AKAP12: variants seen among roughly 807,000 people sequenced by gnomAD.
AKAP12 encodes A-kinase anchor protein 12.
A neutral mutation model predicts 79.9 loss-of-function variants in AKAP12; 32 were observed. The observed-to-expected ratio is 0.40, with a 90% CI of 0.30 to 0.54. The LOEUF is 0.54. AKAP12 is among the 20% of genes least tolerant of loss of function. The pLI, the probability that AKAP12 is intolerant of heterozygous loss-of-function variation, is 0.48. For synonymous variants in AKAP12, 808 were observed against 857.0 expected, an observed-to-expected ratio of 0.94 and a Z score of 1.00; for missense variants, 2,074 against 2,177.0, an observed-to-expected ratio of 0.95 and a Z score of 0.94.
At position 151,350,858 on chromosome 6, in the gene AKAP12, CAA is replaced by C; in HGVS notation, c.2468_2469del (p.Gln823ArgfsTer6). ...AAGGAAGAAAAGGCCAGATGGGAAA[CAA>C]GAACAAGCCCCTGTTGAAGACGCAG... ...GRRKKRPDGK[Q>X]EQAPVEDAGP... is the part of the protein sequence containing the mutation. On this transcript the variant is annotated frameshift_variant, in exon 4 of 5. Transcript: ENST00000402676. LOFTEE classifies it high-confidence loss of function. The surrounding 1 kb of genome is among the most constrained non-coding windows in gnomAD (Gnocchi z 4.8). The C allele has an allele frequency of 6.2e-7, 1 of 1,614,074 alleles. No homozygotes were observed. Among genetic ancestry groups the C allele is most frequent in the South Asian group, 1.1e-5 (1 of 91,084 alleles).
At chr6:151,348,680 T>TGGGGGCG in intron 3 of AKAP12, 31 bp from the exon 4 acceptor site, 1 of 355,202 alleles carries the variant, frequency 2.8e-6, no homozygotes, top group Non-Finnish European at 5.5e-6. Context: ...TTTTCTCTTC[T>TGGGGGCG]CCCCACCCCC....
intron 2 of AKAP12, among the ~76,000 whole-genome samples, chr6:151,275,961 A>G (rs1295046347): frequency 6.6e-6 from 1 of 152,258 alleles, no homozygotes; most frequent in Non-Finnish European, 1.5e-5. Flanking sequence ...ATTGGTTAGC[A>G]TTTATCTTTG....
At chr6:151,240,754 G>C (rs1339396766) in intron 2 of AKAP12, 30 bp downstream of exon 2, 1 of 1,243,308 alleles carries the variant, frequency 8.0e-7, no homozygotes, top group Admixed American at 4.3e-5. Context: ...CCTGCGCCGG[G>C]AGGCGCGGGT....
intron 2 of AKAP12, among the ~76,000 whole-genome samples, chr6:151,254,121 A>G (rs1222455570): frequency 6.6e-6 from 1 of 152,216 alleles, no homozygotes; most frequent in Non-Finnish European, 1.5e-5. Flanking sequence ...TACATGAAAT[A>G]AGCTATTGAA....
chr6:151,296,881 A>C (rs1488902054), intron 2 of AKAP12, among the ~76,000 whole-genome samples: 3 of 152,226 alleles, frequency 2.0e-5, no homozygotes, highest in Non-Finnish European at 2.9e-5. Flanking sequence ...GCTATTGTTC[A>C]TCTAAACTTC....
intron 3 of AKAP12, among the ~76,000 whole-genome samples, chr6:151,331,537 T>C (rs967422310): frequency 6.6e-6 from 1 of 152,196 alleles, no homozygotes; most frequent in African/African-American, 2.4e-5. Context: ...CCTTCCGGAA[T>C]GTTGTAGCAT....
Position 151,353,426 on chromosome 6 carries a change from G to A in AKAP12, c.5035G>A (p.Asp1679Asn). The change falls in exon 4 of 5, where the codon GAT (aspartate) becomes AAT (asparagine). Residue 1679 changes from aspartate (D) to asparagine (N), a missense_variant. Physicochemically the swap from Asp to Asn is conservative, Grantham distance 23. Around this residue, in one of 3 missense-constraint regions of AKAP12, gnomAD observed 614 missense variants for 665.6 expected, o/e 0.92. Transcript: ENST00000402676. ...TGGAACAAAGTCTGTGCCAGAAGATGATGGTCATGCCTTGTTAGCAGAAAG... is the reference window on the plus strand; with the variant it reads ...TGGAACAAAGTCTGTGCCAGAAGATAATGGTCATGCCTTGTTAGCAGAAAG... ...GAGTKSVPEDDGHALLAERIE... is the reference protein window; with the variant it reads ...GAGTKSVPEDNGHALLAERIE... 6.2e-7 allele frequency: 1 copy of A among 1,614,210 alleles called. No homozygotes were observed. Among genetic ancestry groups the A allele is most frequent in the Non-Finnish European group, 8.5e-7 (1 of 1,180,038 alleles).
intron 2 of AKAP12, among the ~76,000 whole-genome samples, chr6:151,281,183 T>C (rs1265145014): frequency 6.6e-6 from 1 of 152,168 alleles, no homozygotes; most frequent in Non-Finnish European, 1.5e-5. Flanking sequence ...CCACTTACAT[T>C]AGATAAGTGA....
intron 2 of AKAP12, among the ~76,000 whole-genome samples, chr6:151,293,582 G>A (rs1483366542): frequency 6.6e-6 from 1 of 152,152 alleles, no homozygotes; most frequent in East Asian, 1.9e-4. Context: ...TCATGACACT[G>A]GACTATAAAG....
Position 151,351,957 on chromosome 6 carries a change from A to G in AKAP12, c.3566A>G (p.Asp1189Gly). 6.2e-7 allele frequency: 1 copy of G among 1,614,148 alleles called. No homozygotes were observed. The highest frequency in any genetic ancestry group is 8.5e-7 in the Non-Finnish European group (1 of 1,180,016). The change falls in exon 4 of 5, where the codon GAC (aspartate) becomes GGC (glycine). Residue 1189 changes from aspartate (D) to glycine (G), a missense_variant. This residue lies in a region of AKAP12 where 32 missense variants were observed against 60.4 expected (regional missense o/e 0.53). Coordinates refer to ENST00000402676, the MANE Select transcript of AKAP12 (RefSeq NM_005100.4). The surrounding 1 kb of genome is among the most constrained non-coding windows in gnomAD (Gnocchi z 4.4). ...GACGCACCAGGCACAACCCAGAAAG[A>G]CGAGATTGTGGAAATCCATGAGGAG... The part of the protein sequence containing the change: ...DFDAPGTTQK[D>G]EIVEIHEENE...
intron 2 of AKAP12, among the ~76,000 whole-genome samples, chr6:151,252,164 G>A (rs971338980): frequency 3.9e-5 from 6 of 152,028 alleles, no homozygotes; most frequent in Non-Finnish European, 8.8e-5. Context: ...TGGAGTATTG[G>A]GCAAGGGAGG....
intron 2 of AKAP12, among the ~76,000 whole-genome samples, chr6:151,291,615 C>T (rs1055438542): frequency 2.0e-5 from 3 of 152,124 alleles, no homozygotes; most frequent in Non-Finnish European, 2.9e-5. Flanking sequence ...TATTCCGTGG[C>T]GCAGGGAGCT....
intron 2 of AKAP12, among the ~76,000 whole-genome samples, chr6:151,287,160 C>T (rs1026042043): frequency 7.2e-5 from 11 of 152,060 alleles, no homozygotes; most frequent in South Asian, 2.1e-4. Flanking sequence ...AGGATGGTCT[C>T]GATCTCCTGA....
rs1189643668 is a variant in AKAP12, at chr6:151,240,705, C to T, written c.143C>T (p.Ala48Val). The T allele has an allele frequency of 1.3e-5, 17 of 1,273,610 alleles. No individual in the cohort carries two copies. Among genetic ancestry groups the T allele is most frequent in the Non-Finnish European group, 1.7e-5 (17 of 1,012,188 alleles). 78.9% of individuals were successfully genotyped at this position (1,273,610 alleles called of 1,614,324 possible). ...PDTTADPAIA[A>V]SDPATKLLQK... ...ACCACCGCGGACCCCGCCATCGCTG[C>T]CTCGGACCCCGCCACCAAGGTACGG... The change falls in exon 2 of 5, where the codon GCC becomes GTC. Residue 48 changes from alanine to valine, a missense_variant. Physicochemically the swap from Ala to Val is moderately conservative, Grantham distance 64. Coordinates refer to ENST00000402676, the MANE Select transcript of AKAP12 (RefSeq NM_005100.4).
In AKAP12 at chr6:151,305,845, C is replaced by G. The variant is rs760670040; in HGVS notation, c.261C>G (p.Ala87=). The G allele has an allele frequency of 6.2e-7, 1 of 1,613,740 alleles. No homozygotes were observed. The highest frequency in any genetic ancestry group is 1.3e-5 in the African/African-American group (1 of 74,854). Residue 87 remains alanine, a synonymous_variant, in exon 3 of 5, where the codon GCC becomes GCG. Coordinates refer to ENST00000402676, the MANE Select transcript of AKAP12 (RefSeq NM_005100.4). ...GTGACCTAAATGGCCAGAAAGGAGC[C>G]CTGAACGGTCAAGGAGCCCTAAACA... is the stretch of plus-strand genomic sequence containing the variant. ...QEGDLNGQKG[A]LNGQGALNSQ... is the part of the protein sequence containing the mutation.
chr6:151,354,640 G>T (rs1056732211), intron 4 of AKAP12, among the ~76,000 whole-genome samples: 1 of 152,032 alleles, frequency 6.6e-6, no homozygotes, highest in Non-Finnish European at 1.5e-5. Flanking sequence ...CCAAAGTGCT[G>T]GGATTACAGG....
chr6:151,353,244 C>CA lies in AKAP12; in HGVS notation c.4854dup (p.Glu1619ArgfsTer11). 6.2e-7 allele frequency: 1 copy of CA among 1,614,158 alleles called. No homozygotes were observed. The highest frequency in any genetic ancestry group is 8.5e-7 in the Non-Finnish European group (1 of 1,180,040). ...CCAATTACTTCAGCCAAAGAGGAGT[C>CA]AGAGTCAACCGCAGTGGGACAAGCA... On this transcript the variant is annotated frameshift_variant, in exon 4 of 5. Transcript: ENST00000402676. LOFTEE classifies it low-confidence loss of function (END_TRUNC).
intron 2 of AKAP12, among the ~76,000 whole-genome samples, chr6:151,273,390 T>C (rs73780603): frequency 0.042 from 6,362 of 152,288 alleles, 458 homozygotes; most frequent in African/African-American, 0.15. Flanking sequence ...TGGGGTACTA[T>C]GGTAGTTTCA....
chr6:151,354,577 G>T (rs532641949), intron 4 of AKAP12, among the ~76,000 whole-genome samples: 25 of 149,096 alleles, frequency 1.7e-4, no homozygotes, highest in African/African-American at 5.6e-4. Flanking sequence ...TTTTCACCGT[G>T]TTAGCCAGGA....
Sources: gnomAD v4.1 joint callset for allele counts (sites outside exome capture counted in the v4.1 genomes callset) on GRCh38, gnomAD v4.1.1 for gene constraint, gnomAD v4.1.1 regional missense constraint, Gnocchi (gnomAD v3.1) non-coding constraint, MANE v1.5 for transcripts, NCBI Gene and HGNC (gene_info 2026-07-23, HGNC 2026-07-21) for gene names.